NUMB: variants seen among roughly 807,000 people sequenced by gnomAD.
NUMB encodes protein numb homolog.
Under a neutral mutation model 59.7 loss-of-function variants are expected in NUMB, and 29 were observed. That is an observed-to-expected ratio of 0.49 (90% CI 0.36 to 0.66). The LOEUF (loss-of-function observed/expected upper bound fraction) is 0.66, where lower values mean the gene tolerates loss of function less well. Among genes scored for constraint, NUMB ranks in the 30% least tolerant of loss-of-function variants. NUMB has a pLI of 0.00. For synonymous variants in NUMB, 288 were observed against 288.2 expected (o/e 1.00, Z 0.01); for missense variants, 723 against 822.0 (o/e 0.88, Z 1.47).
chr14:73,438,128 G>T (rs910364676), intron 1 of NUMB, among the ~76,000 whole-genome samples: 5 of 152,152 alleles, frequency 3.3e-5, no homozygotes, highest in African/African-American at 9.7e-5. Flanking sequence ...TTGCTCTCCT[G>T]AGAGCTCTAG....
rs2139817079 is a variant in NUMB at position 73,287,132 on chromosome 14, T to TAA, written c.632_633insTT (p.Lys211AsnfsTer15). The TAA allele has an allele frequency of 6.2e-7, 1 of 1,614,040 alleles. No homozygotes were observed. Among genetic ancestry groups the TAA allele is most frequent in the East Asian group, 2.2e-5 (1 of 44,850 alleles). On this transcript the variant is annotated frameshift_variant, in exon 9 of 13. Transcript: ENST00000555238. LOFTEE classifies it high-confidence loss of function. ...TACCTTTCTTGGCATCTTGCATTTGTTTCATGATCTCCTCTCTTTCTGCTT... is the reference window on the plus strand; with the variant it reads ...TACCTTTCTTGGCATCTTGCATTTGTAATTCATGATCTCCTCTCTTTCTGCTT...
At chr14:73,317,097 C>T (rs957524216) in intron 5 of NUMB, among the ~76,000 whole-genome samples, 1 of 152,124 alleles carries the variant, frequency 6.6e-6, no homozygotes, top group African/African-American at 2.4e-5. Context: ...ATCAATTTCA[C>T]AACACACATA....
intron 4 of NUMB, among the ~76,000 whole-genome samples, chr14:73,340,209 C>T (rs557054322): frequency 1.3e-5 from 2 of 152,316 alleles, no homozygotes; most frequent in South Asian, 2.1e-4. Context: ...TATGTGTAAA[C>T]GAGCTTTCCA....
chr14:73,416,216 C>T (rs1897121284), intron 1 of NUMB, among the ~76,000 whole-genome samples: 1 of 152,146 alleles, frequency 6.6e-6, no homozygotes, highest in African/African-American at 2.4e-5. Context: ...AACATACAAG[C>T]TTTATTGAGA....
chr14:73,312,709 G>C (rs1890841404), intron 6 of NUMB, among the ~76,000 whole-genome samples: 1 of 128,818 alleles, frequency 7.8e-6, no homozygotes, highest in South Asian at 2.4e-4. Context: ...GTGAGACCCT[G>C]TCTCAAAAAA....
intron 6 of NUMB, among the ~76,000 whole-genome samples, chr14:73,299,553 TC>T (rs1291130109): frequency 9.5e-6 from 1 of 105,578 alleles, no homozygotes; most frequent in African/African-American, 4.3e-5. Context: ...CATATATGTA[TC>T]ATATATGTCA....
chr14:73,353,334 G>A (rs1028083884), intron 4 of NUMB, among the ~76,000 whole-genome samples: 4 of 149,874 alleles, frequency 2.7e-5, no homozygotes, highest in Admixed American at 6.7e-5. Flanking sequence ...TGATCCGCCC[G>A]CCTCGGCATC....
intron 2 of NUMB, among the ~76,000 whole-genome samples, chr14:73,370,479 G>A (rs950743626): frequency 6.6e-6 from 1 of 152,088 alleles, no homozygotes; most frequent in African/African-American, 2.4e-5. Context: ...AGCACCTAAG[G>A]TCGGGAGTTC....
chr14:73,449,053 C>T (rs1009199277), intron 1 of NUMB, among the ~76,000 whole-genome samples: 1 of 151,968 alleles, frequency 6.6e-6, no homozygotes, highest in African/African-American at 2.4e-5. Flanking sequence ...TGTCATTATA[C>T]CCTAAACAAT....
At chr14:73,286,967 T>C (rs1333178324) in intron 9 of NUMB, 143 bp downstream of exon 9, 1 of 784,692 alleles carries the variant, frequency 1.3e-6, no homozygotes, top group Non-Finnish European at 2.1e-6. Flanking sequence ...AAGCGGTTTT[T>C]AAGATTTTCA....
chr14:73,276,652 T>C lies in NUMB; in HGVS notation c.1882A>G (p.Lys628Glu). The C allele has an allele frequency of 6.2e-7, 1 of 1,614,192 alleles. No individual in the cohort carries two copies. The highest frequency in any genetic ancestry group is 8.5e-7 in the Non-Finnish European group (1 of 1,180,024). The change falls in exon 13 of 13, where the codon AAG becomes GAG. Residue 628 changes from lysine to glutamate, a missense_variant. By Grantham distance (56) the Lys-to-Glu change is moderately conservative. Transcript: ENST00000555238. ...AQWAALENKS[K>E]QRTNPSPTNP... is the part of the protein sequence containing the mutation. Reference sequence around the variant, plus strand: ...GTAGGGGAGGGATTAGTACGCTGCTTGGACTTATTTTCTAATGCAGCCCAC... The same window carrying C: ...GTAGGGGAGGGATTAGTACGCTGCTCGGACTTATTTTCTAATGCAGCCCAC...
At chr14:73,360,165 A>T (rs965836894) in intron 3 of NUMB, among the ~76,000 whole-genome samples, 1 of 152,264 alleles carries the variant, frequency 6.6e-6, no homozygotes, top group African/African-American at 2.4e-5. Flanking sequence ...CTCACTATTC[A>T]GTGAGTCAGT....
At chr14:73,345,751 T>G (rs1305980753) in intron 4 of NUMB, among the ~76,000 whole-genome samples, 6 of 151,336 alleles carry the variant, frequency 4.0e-5, no homozygotes, top group Non-Finnish European at 8.8e-5. Flanking sequence ...CTACTAAAAA[T>G]ACAAAAATTA....
chr14:73,316,234 G>A (rs772665614), intron 6 of NUMB, among the ~76,000 whole-genome samples, 156 bp downstream of exon 6: 3 of 152,118 alleles, frequency 2.0e-5, no homozygotes, highest in Non-Finnish European at 4.4e-5. Context: ...TAATATCACG[G>A]ATAGTAACTT....
At chr14:73,351,343 G>A (rs1440783178) in intron 4 of NUMB, among the ~76,000 whole-genome samples, 2 of 151,976 alleles carry the variant, frequency 1.3e-5, no homozygotes, top group South Asian at 4.2e-4. Context: ...ATGGGGGCAC[G>A]TGCCTATAGT....
chr14:73,313,942 C>T (rs1182885427), intron 6 of NUMB, among the ~76,000 whole-genome samples: 1 of 151,974 alleles, frequency 6.6e-6, no homozygotes, highest in African/African-American at 2.4e-5. Context: ...TGAGTAGTAG[C>T]TGGGATTACA....
At chr14:73,343,261 T>C (rs1180882008) in intron 4 of NUMB, among the ~76,000 whole-genome samples, 1 of 152,054 alleles carries the variant, frequency 6.6e-6, no homozygotes, top group Non-Finnish European at 1.5e-5. Context: ...AACACTGAGA[T>C]AACAGTTTGG....
At chr14:73,434,464 C>A (rs1286322261) in intron 1 of NUMB, among the ~76,000 whole-genome samples, 1 of 152,190 alleles carries the variant, frequency 6.6e-6, no homozygotes, top group Non-Finnish European at 1.5e-5. Flanking sequence ...CGATACTTTA[C>A]TAGGCTATCA....
intron 2 of NUMB, among the ~76,000 whole-genome samples, chr14:73,380,161 C>A (rs1041499269): frequency 6.6e-6 from 1 of 152,080 alleles, no homozygotes; most frequent in South Asian, 2.1e-4. Context: ...ACAGAAATTG[C>A]CAAATGAGTA....
Sources: gnomAD v4.1 joint callset for allele counts (sites outside exome capture counted in the v4.1 genomes callset) on GRCh38, gnomAD v4.1.1 for gene constraint, MANE v1.5 for transcripts, NCBI Gene and HGNC (gene_info 2026-07-23, HGNC 2026-07-21) for gene names.